The following TLE1 variants were observed in gnomAD, a reference collection of about 807,000 sequenced individuals.
The protein encoded by TLE1 is transducin-like enhancer protein 1.
In TLE1, 21 loss-of-function variants were observed where a neutral mutation model predicts 89.8. The observed-to-expected ratio is 0.23, with a 90% CI of 0.17 to 0.34. The LOEUF is 0.34. TLE1 is among the 10% of genes least tolerant of loss of function. TLE1 has a pLI of 1.00. For missense variants in TLE1, 795 were observed against 1,031.2 expected (o/e 0.77, Z 3.14); for synonymous variants, 447 against 407.6 (o/e 1.10, Z -1.16).
intron 4 of TLE1, among the ~76,000 whole-genome samples, chr9:81,663,520 A>G (rs1831078421): frequency 6.6e-6 from 1 of 152,052 alleles, no homozygotes; most frequent in Non-Finnish European, 1.5e-5. Context: ...AGTCCGCATG[A>G]TCCCTCAGCC....
intron 9 of TLE1, among the ~76,000 whole-genome samples, chr9:81,619,370 C>T (rs950059313): frequency 6.6e-6 from 1 of 151,978 alleles, no homozygotes; most frequent in African/African-American, 2.4e-5. Flanking sequence ...AGCATTGTGT[C>T]GAAGAGCAGA....
chr9:81,642,790 C>T (rs1828314768), intron 6 of TLE1, among the ~76,000 whole-genome samples: 1 of 152,190 alleles, frequency 6.6e-6, no homozygotes, highest in African/African-American at 2.4e-5. Context: ...ATGACCACTG[C>T]AGTGCTATTC....
rs772420250 is a variant in TLE1 at position 81,634,202 on chromosome 9, G to C, written c.472C>G (p.Leu158Val). ...SGLQPPGIPPLGGSAGLLALS... is the reference protein window; with the variant it reads ...SGLQPPGIPPVGGSAGLLALS... Reference sequence around the variant, plus strand: ...GCAAGAAGGCCGGCACTGCCCCCGAGGGGCGGGATTCCAGGAGGCTGAAGT... The same window carrying C: ...GCAAGAAGGCCGGCACTGCCCCCGACGGGCGGGATTCCAGGAGGCTGAAGT... The change falls in exon 7 of 20, where the codon CTC becomes GTC. Residue 158 changes from leucine to valine, a missense_variant. This residue lies in a region of TLE1 where 468 missense variants were observed against 509.1 expected (regional missense o/e 0.92). Transcript: ENST00000376499. The C allele has an allele frequency of 4.4e-6, 7 of 1,591,410 alleles. No homozygotes were observed. The highest frequency in any genetic ancestry group is 1.6e-4 in the Middle Eastern group (1 of 6,068).
At chr9:81,633,203 A>C in intron 8 of TLE1, 145 bp downstream of exon 8, 2 of 1,378,498 alleles carry the variant, frequency 1.5e-6, no homozygotes, top group Non-Finnish European at 1.9e-6. Flanking sequence ...AAAAAGTAAA[A>C]GAAAAAAGCC....
At chr9:81,612,160 G>T in intron 12 of TLE1, 1 of 618,088 alleles carries the variant, frequency 1.6e-6, no homozygotes, top group Non-Finnish European at 2.3e-6. Context: ...GGAAAGAAAA[G>T]ACTCCAGGGG....
chr9:81,664,583 C>T (rs1264833490), intron 4 of TLE1, among the ~76,000 whole-genome samples: 1 of 151,984 alleles, frequency 6.6e-6, no homozygotes, highest in Non-Finnish European at 1.5e-5. Flanking sequence ...GTGGGGAGGT[C>T]GGGCACAGTG....
Position 81,587,848 on chromosome 9 carries a change from T to G in TLE1, c.1830-20A>C. ...AATTGCCTGATAAAACAAACCAGAT[T>G]GAATAATGATTTCCTGCCAGAGCTC... On this transcript the variant is annotated intron_variant, in intron 16 of 19. Coordinates refer to ENST00000376499, the MANE Select transcript of TLE1 (RefSeq NM_005077.5). 2 of 1,602,388 alleles carry G rather than the reference T, an allele frequency of 1.2e-6. No homozygotes were observed. Among genetic ancestry groups the G allele is most frequent in the Non-Finnish European group, 1.7e-6 (2 of 1,174,632 alleles).
intron 8 of TLE1, among the ~76,000 whole-genome samples, chr9:81,630,800 TCTCATTATC>T (rs1826493870): frequency 6.6e-6 from 1 of 152,252 alleles, no homozygotes; most frequent in Non-Finnish European, 1.5e-5. Context: ...GTACACATCA[TCTCATTATC>T]CACTGCTTTT....
intron 8 of TLE1, among the ~76,000 whole-genome samples, chr9:81,631,331 A>G (rs1221613622): frequency 6.6e-6 from 1 of 152,240 alleles, no homozygotes; most frequent in Non-Finnish European, 1.5e-5. Context: ...AAATTCAGAA[A>G]GACACAGAGG....
chr9:81,681,275 C>G (rs1041401159), intron 4 of TLE1, among the ~76,000 whole-genome samples: 2 of 152,126 alleles, frequency 1.3e-5, no homozygotes, highest in Non-Finnish European at 2.9e-5. Context: ...ATCGGCCGGG[C>G]ACAGTGGTTT....
intron 16 of TLE1, 30 bp downstream of exon 16, chr9:81,590,775 A>T (rs1246948393): frequency 7.5e-6 from 12 of 1,603,472 alleles, no homozygotes; most frequent in Non-Finnish European, 1.0e-5. Context: ...AAAGAAGCGA[A>T]CCCCTCCTTA....
intron 9 of TLE1, among the ~76,000 whole-genome samples, chr9:81,618,228 G>T (rs1824800386): frequency 6.6e-6 from 1 of 152,172 alleles, no homozygotes; most frequent in Non-Finnish European, 1.5e-5. Flanking sequence ...CTGAATTTAT[G>T]ATCTAAACAA....
chr9:81,637,242 C>T (rs1418406020), intron 6 of TLE1, among the ~76,000 whole-genome samples: 1 of 152,090 alleles, frequency 6.6e-6, no homozygotes, highest in Non-Finnish European at 1.5e-5. Context: ...CCTGTAATCC[C>T]AGCTACTTGA....
At chr9:81,617,637 G>C (rs1824714888) in intron 9 of TLE1, among the ~76,000 whole-genome samples, 1 of 152,254 alleles carries the variant, frequency 6.6e-6, no homozygotes, top group Non-Finnish European at 1.5e-5. Context: ...AGCAGGTGCA[G>C]GTTGCAGTGA....
At chr9:81,615,815 T>C (rs1824434311) in intron 11 of TLE1, among the ~76,000 whole-genome samples, 167 bp downstream of exon 11, 1 of 151,624 alleles carries the variant, frequency 6.6e-6, no homozygotes, top group South Asian at 2.1e-4. Context: ...GGGGAAAAAG[T>C]AAACCCTGAA....
intron 8 of TLE1, among the ~76,000 whole-genome samples, chr9:81,628,843 G>A (rs943919195): frequency 2.0e-5 from 3 of 152,150 alleles, no homozygotes; most frequent in African/African-American, 7.2e-5. Context: ...CAGATGAGTG[G>A]TGCTTAGACT....
At chr9:81,681,270 C>T (rs1475171505) in intron 4 of TLE1, among the ~76,000 whole-genome samples, 1 of 152,146 alleles carries the variant, frequency 6.6e-6, no homozygotes, top group Non-Finnish European at 1.5e-5. Flanking sequence ...TCACCATCGG[C>T]CGGGCACAGT....
chr9:81,658,974 T>C (rs1229036587), intron 4 of TLE1, among the ~76,000 whole-genome samples: 1 of 152,068 alleles, frequency 6.6e-6, no homozygotes, highest in Non-Finnish European at 1.5e-5. Flanking sequence ...AGTGGAGCCA[T>C]CTTAGCTCAC....
intron 1 of TLE1, among the ~76,000 whole-genome samples, chr9:81,687,895 G>C (rs114809856): frequency 1.3e-5 from 2 of 152,214 alleles, no homozygotes; most frequent in Non-Finnish European, 2.9e-5. Context: ...TAGGCGAGAG[G>C]AGAAACAAAG....
Sources: gnomAD v4.1 joint callset for allele counts (sites outside exome capture counted in the v4.1 genomes callset) on GRCh38, gnomAD v4.1.1 for gene constraint, gnomAD v4.1.1 regional missense constraint, MANE v1.5 for transcripts, NCBI Gene and HGNC (gene_info 2026-07-23, HGNC 2026-07-21) for gene names.